The following MGLL variants were observed in gnomAD, a reference collection of about 807,000 sequenced individuals.
MGLL encodes lysophospholipase homolog.
In MGLL, 7 loss-of-function variants were observed where a neutral mutation model predicts 29.1. That is an observed-to-expected ratio of 0.24 (90% CI 0.14 to 0.45). MGLL has a LOEUF of 0.45. Ranked by LOEUF, MGLL falls within the 20% of genes least tolerant of loss-of-function variation. The pLI, the probability that MGLL is intolerant of heterozygous loss-of-function variation, is 0.99. For missense variants in MGLL, 356 were observed against 413.6 expected (o/e 0.86, Z 1.21); for synonymous variants, 148 against 168.3 (o/e 0.88, Z 0.93).
intron 6 of MGLL, among the ~76,000 whole-genome samples, chr3:127,698,474 C>G (rs2075414674): frequency 6.6e-6 from 1 of 152,194 alleles, no homozygotes; most frequent in African/African-American, 2.4e-5. Flanking sequence ...CAATAGGGAC[C>G]AGAGTCAGTC....
intron 6 of MGLL, among the ~76,000 whole-genome samples, chr3:127,700,189 C>A (rs1559906908): frequency 2.0e-5 from 3 of 152,198 alleles, no homozygotes; most frequent in Admixed American, 6.5e-5. Context: ...TGAGTGATCT[C>A]TGTGAAATTT....
chr3:127,755,306 T>A (rs2076643210), intron 3 of MGLL, among the ~76,000 whole-genome samples: 2 of 152,252 alleles, frequency 1.3e-5, no homozygotes, highest in South Asian at 4.2e-4. Context: ...AGAGGGTGTT[T>A]AAAGAAATGG....
chr3:127,750,341 T>G (rs1331539548), intron 3 of MGLL, among the ~76,000 whole-genome samples: 1 of 152,152 alleles, frequency 6.6e-6, no homozygotes, highest in East Asian at 1.9e-4. Flanking sequence ...CCCGGCTCAC[T>G]GGGGGCCTCG....
At chr3:127,771,461 T>A (rs1054546071) in intron 3 of MGLL, among the ~76,000 whole-genome samples, 1 of 152,170 alleles carries the variant, frequency 6.6e-6, no homozygotes, top group Non-Finnish European at 1.5e-5. Flanking sequence ...CGATCCCAAG[T>A]AGCTCCTGCC....
chr3:127,747,601 G>A (rs1285533478), intron 3 of MGLL, among the ~76,000 whole-genome samples: 2 of 152,228 alleles, frequency 1.3e-5, no homozygotes, highest in Non-Finnish European at 2.9e-5. Flanking sequence ...CTCCAGGGCA[G>A]CTAAGAGGCC....
intron 2 of MGLL, among the ~76,000 whole-genome samples, chr3:127,816,929 C>T (rs964525178): frequency 5.9e-5 from 9 of 152,260 alleles, no homozygotes; most frequent in East Asian, 1.9e-4. Context: ...AGTCCATCCA[C>T]GGCCTGTGTT....
intron 2 of MGLL, among the ~76,000 whole-genome samples, chr3:127,798,252 A>C (rs539637528): frequency 2.4e-3 from 361 of 152,284 alleles, no homozygotes; most frequent in Admixed American, 6.3e-3. Context: ...CTATGTATGC[A>C]GGAAAGCAGG....
intron 3 of MGLL, among the ~76,000 whole-genome samples, chr3:127,737,450 A>G (rs567246413): frequency 6.7e-6 from 1 of 149,632 alleles, no homozygotes; most frequent in South Asian, 2.2e-4. Flanking sequence ...GCTAGCACAG[A>G]GCGGGGCACA....
At chr3:127,715,765 C>A (rs771671715) in intron 5 of MGLL, 5 of 456,674 alleles carry the variant, frequency 1.1e-5, no homozygotes, top group South Asian at 7.7e-5. Context: ...TTGTCGAGGT[C>A]GACCAGATGA....
chr3:127,774,126 C>A (rs1299963787), intron 3 of MGLL, among the ~76,000 whole-genome samples: 3 of 152,378 alleles, frequency 2.0e-5, no homozygotes, highest in Non-Finnish European at 4.4e-5. Flanking sequence ...AGGCCCCTGC[C>A]CATCACTGCT....
chr3:127,758,452 A>C (rs1282251111), intron 3 of MGLL, among the ~76,000 whole-genome samples: 1 of 152,252 alleles, frequency 6.6e-6, no homozygotes, highest in Non-Finnish European at 1.5e-5. Context: ...TGAACGAATG[A>C]ATAAATACAC....
At chr3:127,708,411 G>A (rs947546857) in intron 6 of MGLL, among the ~76,000 whole-genome samples, 9 of 152,200 alleles carry the variant, frequency 5.9e-5, no homozygotes, top group Admixed American at 3.9e-4. Flanking sequence ...AGGAGGGCTC[G>A]GATGGGGGCT....
At chr3:127,698,224 G>A (rs1288514476) in intron 6 of MGLL, among the ~76,000 whole-genome samples, 6 of 152,208 alleles carry the variant, frequency 3.9e-5, no homozygotes, top group Non-Finnish European at 7.3e-5. Context: ...GGGGCAGAGG[G>A]AAACTGGGAC....
chr3:127,772,763 G>C (rs1009055482), intron 3 of MGLL, among the ~76,000 whole-genome samples: 1 of 152,216 alleles, frequency 6.6e-6, no homozygotes, highest in Non-Finnish European at 1.5e-5. Context: ...GTGTTGGGAG[G>C]TGGGGCCTTT....
At chr3:127,748,413 A>AGAGAGAGAGAGAGAGG (rs1246649138) in intron 3 of MGLL, among the ~76,000 whole-genome samples, 1 of 119,428 alleles carries the variant, frequency 8.4e-6, no homozygotes, top group Non-Finnish European at 2.0e-5. Context: ...AGAGAAAGAG[A>AGAGAGAGAGAGAGAGG]GAGAGAGAGA....
intron 2 of MGLL, among the ~76,000 whole-genome samples, chr3:127,814,403 A>G (rs1364122255): frequency 6.6e-6 from 1 of 152,188 alleles, no homozygotes; most frequent in Non-Finnish European, 1.5e-5. Context: ...ATCTTGGATG[A>G]CCCTGCAATA....
In MGLL at chr3:127,721,217, T is replaced by C. The variant is rs770092594; in HGVS notation, c.400-54A>G. The C allele has an allele frequency of 4.7e-6, 7 of 1,486,736 alleles. No homozygotes were observed. In the African/African-American group the frequency reaches 9.7e-5, roughly 21 times the overall value. The allele number at this position is 1,486,736 out of a possible 1,614,324, so 92.1% of individuals were successfully genotyped here. A position where few individuals can be genotyped will look rare whatever the true frequency, so the allele number is the denominator to read the frequency against. On this transcript the variant is annotated intron_variant, in intron 4 of 7. Transcript: ENST00000265052. ...TGTTCGGCTTGCACCAGTGCACACATTTCTAATAAACATGACCAATGCAGT... is the reference window on the plus strand; with the variant it reads ...TGTTCGGCTTGCACCAGTGCACACACTTCTAATAAACATGACCAATGCAGT...
At chr3:127,768,367 C>T (rs2076893346) in intron 3 of MGLL, among the ~76,000 whole-genome samples, 1 of 152,198 alleles carries the variant, frequency 6.6e-6, no homozygotes, top group Non-Finnish European at 1.5e-5. Context: ...GACCAAAGCC[C>T]TGCAGCTAGT....
chr3:127,781,623 C>T (rs1392555038), intron 3 of MGLL, among the ~76,000 whole-genome samples, 166 bp downstream of exon 3: 1 of 152,164 alleles, frequency 6.6e-6, no homozygotes, highest in African/African-American at 2.4e-5. Context: ...AGAATCTGCT[C>T]GTCAGACATT....
Sources: gnomAD v4.1 joint callset for allele counts (sites outside exome capture counted in the v4.1 genomes callset) on GRCh38, gnomAD v4.1.1 for gene constraint, MANE v1.5 for transcripts, NCBI Gene and HGNC (gene_info 2026-07-23, HGNC 2026-07-21) for gene names.